Variants in RERE observed in about 807,000 individuals in gnomAD.
The protein encoded by RERE is arginine-glutamic acid dipeptide repeats.
In RERE, 40 loss-of-function variants were observed where a neutral mutation model predicts 146.1. The ratio of observed to expected loss-of-function variants is 0.27; its 90% CI spans 0.21 to 0.36. The LOEUF (loss-of-function observed/expected upper bound fraction) is 0.36, where lower values mean the gene tolerates loss of function less well. Ranked by LOEUF, RERE falls within the 10% of genes least tolerant of loss-of-function variation. The pLI is 1.00. For missense variants in RERE, 1,933 were observed against 2,138.7 expected (o/e 0.90, Z 1.90); for synonymous variants, 1,003 against 866.0 (o/e 1.16, Z -2.78).
chr1:8,773,284 T>C (rs1359528595), intron 1 of RERE, among the ~76,000 whole-genome samples: 2 of 152,244 alleles, frequency 1.3e-5, no homozygotes, highest in Admixed American at 6.5e-5. Context: ...TAAATAGAGA[T>C]GTTCAAGAAA....
chr1:8,514,511 C>G (rs1645385858), intron 7 of RERE, among the ~76,000 whole-genome samples: 1 of 152,114 alleles, frequency 6.6e-6, no homozygotes, highest in South Asian at 2.1e-4. Context: ...AGGTGGATCA[C>G]CTGAGGTCAG....
At chr1:8,712,714 A>G (rs1269137501) in intron 1 of RERE, among the ~76,000 whole-genome samples, 1 of 151,932 alleles carries the variant, frequency 6.6e-6, no homozygotes, top group Non-Finnish European at 1.5e-5. Flanking sequence ...GCCCTGTGCT[A>G]TTTACATTTT....
intron 1 of RERE, among the ~76,000 whole-genome samples, chr1:8,734,987 C>T (rs1640169141): frequency 6.6e-6 from 1 of 152,112 alleles, no homozygotes; most frequent in African/African-American, 2.4e-5. Context: ...TTTGCCTCTC[C>T]CACAAAATTG....
chr1:8,775,656 T>C (rs1436852728), intron 1 of RERE, among the ~76,000 whole-genome samples: 1 of 152,206 alleles, frequency 6.6e-6, no homozygotes, highest in African/African-American at 2.4e-5. Flanking sequence ...TAGCACCTAA[T>C]ATTAAATACA....
chr1:8,630,830 ACT>A (rs919294835), intron 2 of RERE, among the ~76,000 whole-genome samples: 2 of 152,184 alleles, frequency 1.3e-5, no homozygotes, highest in African/African-American at 2.4e-5. Flanking sequence ...CCTTACCCTT[ACT>A]CTGTTTATCA....
chr1:8,613,013 T>C (rs1646810594), intron 4 of RERE, among the ~76,000 whole-genome samples: 1 of 152,234 alleles, frequency 6.6e-6, no homozygotes, highest in Non-Finnish European at 1.5e-5. Context: ...GTAAACGTGT[T>C]ATGCTGTTGC....
intron 12 of RERE, among the ~76,000 whole-genome samples, chr1:8,407,633 C>T (rs891682070): frequency 4.5e-4 from 68 of 152,094 alleles, no homozygotes; most frequent in African/African-American, 1.4e-3. Context: ...TTAGTATCAC[C>T]GTGCCTCAGT....
intron 12 of RERE, among the ~76,000 whole-genome samples, chr1:8,393,794 A>G (rs999371529): frequency 6.6e-6 from 1 of 152,242 alleles, no homozygotes; most frequent in Non-Finnish European, 1.5e-5. Context: ...ATGGATTACT[A>G]GTATCCAGGT....
rs1467286958 is a variant in RERE, at chr1:8,789,895, CAAT to C, written c.-145+27262_-145+27264del. ...TTTGGTCAACTTATTTAATCCACACCAATCTCTAACCTGAAACTGAACTAAATT... is the reference window on the plus strand; with the variant it reads ...TTTGGTCAACTTATTTAATCCACACCCTCTAACCTGAAACTGAACTAAATT... On this transcript the variant is annotated intron_variant, in intron 1 of 22. Coordinates refer to ENST00000400908, the MANE Select transcript of RERE (RefSeq NM_001042681.2). 2.6e-5 allele frequency among the ~76,000 whole-genome samples: 4 copies of C among 152,274 alleles called. No homozygotes were observed. The East Asian group carries it at 7.7e-4, about 29-fold the overall frequency.
At chr1:8,761,134 G>T (rs1221722460) in intron 1 of RERE, among the ~76,000 whole-genome samples, 1 of 152,118 alleles carries the variant, frequency 6.6e-6, no homozygotes, top group African/African-American at 2.4e-5. Flanking sequence ...GAATCAAAAT[G>T]AAAGAACCTC....
intron 1 of RERE, among the ~76,000 whole-genome samples, chr1:8,665,620 A>C (rs138205017): frequency 5.4e-4 from 83 of 152,328 alleles, no homozygotes; most frequent in Non-Finnish European, 9.6e-4. Flanking sequence ...TTCACTTAAG[A>C]GAGTGTTCAG....
chr1:8,476,665 T>A (rs1229180361), intron 10 of RERE, among the ~76,000 whole-genome samples: 3 of 152,152 alleles, frequency 2.0e-5, no homozygotes, highest in Non-Finnish European at 2.9e-5. Flanking sequence ...TATAATATGA[T>A]TAACTTGCCT....
At chr1:8,581,687 A>G (rs1646367674) in intron 4 of RERE, among the ~76,000 whole-genome samples, 1 of 152,216 alleles carries the variant, frequency 6.6e-6, no homozygotes, top group African/African-American at 2.4e-5. Context: ...CATTTATTGA[A>G]AAGATTTTTT....
At chr1:8,611,285 C>T (rs1328518362) in intron 4 of RERE, among the ~76,000 whole-genome samples, 2 of 152,080 alleles carry the variant, frequency 1.3e-5, no homozygotes, top group Admixed American at 6.6e-5. Context: ...GAGAGGATCA[C>T]TTGAGGTCAG....
At chr1:8,596,379 C>A (rs2124120070) in intron 4 of RERE, among the ~76,000 whole-genome samples, 1 of 152,298 alleles carries the variant, frequency 6.6e-6, no homozygotes, top group South Asian at 2.1e-4. Flanking sequence ...AAAAAGCTGA[C>A]CCAAATACAA....
intron 12 of RERE, among the ~76,000 whole-genome samples, chr1:8,394,768 C>T (rs1642996505): frequency 6.6e-6 from 1 of 152,188 alleles, no homozygotes; most frequent in South Asian, 2.1e-4. Context: ...CGTTAACTTG[C>T]TCTGTAAACC....
chr1:8,364,707 G>T lies in RERE; in HGVS notation c.1540+39C>A. 1 of 1,468,550 alleles carries T rather than the reference G, an allele frequency of 6.8e-7. No homozygotes were observed. Among genetic ancestry groups the T allele is most frequent in the Non-Finnish European group, 9.5e-7 (1 of 1,048,038 alleles). The allele number at this position is 1,468,550 out of a possible 1,614,324, so 91.0% of individuals were successfully genotyped here. A position where few individuals can be genotyped will look rare whatever the true frequency, so the allele number is the denominator to read the frequency against. On this transcript the variant is annotated intron_variant, in intron 14 of 22. Transcript: ENST00000400908. This position sits in a 1 kb window ranked among gnomAD's most constrained non-coding sequence, Gnocchi z 5.1. ...ATGTTCAGAACATGGAAGTGCTTGT[G>T]CCCCCGCCCCGCCCCAGGAGCGTGA... is the stretch of plus-strand genomic sequence containing the variant.
intron 1 of RERE, among the ~76,000 whole-genome samples, chr1:8,667,093 T>C (rs1438564266): frequency 1.3e-5 from 2 of 152,120 alleles, no homozygotes; most frequent in East Asian, 3.8e-4. Flanking sequence ...CACTTCCTCA[T>C]CTCCTTTGAG....
chr1:8,489,820 G>A (rs1475934950), intron 10 of RERE, among the ~76,000 whole-genome samples: 10 of 152,124 alleles, frequency 6.6e-5, no homozygotes, highest in African/African-American at 7.2e-5. Context: ...GGAGGCCCAG[G>A]TGGGAGGATC....
Sources: gnomAD v4.1 joint callset for allele counts (sites outside exome capture counted in the v4.1 genomes callset) on GRCh38, gnomAD v4.1.1 for gene constraint, Gnocchi (gnomAD v3.1) non-coding constraint, MANE v1.5 for transcripts, NCBI Gene and HGNC (gene_info 2026-07-23, HGNC 2026-07-21) for gene names.